CALCR: variants seen among roughly 807,000 people sequenced by gnomAD.
CALCR encodes calcitonin receptor.
A neutral mutation model predicts 59.5 loss-of-function variants in CALCR; 47 were observed. The ratio of observed to expected loss-of-function variants is 0.79; its 90% CI spans 0.63 to 1.01. CALCR has a LOEUF of 1.01. Ranked by LOEUF, CALCR falls within the 50% of genes least tolerant of loss-of-function variation. The pLI is 0.00. For synonymous variants in CALCR, 213 were observed against 211.3 expected, an observed-to-expected ratio of 1.01 and a Z score of -0.07; for missense variants, 566 against 597.1, an observed-to-expected ratio of 0.95 and a Z score of 0.54.
rs1027435567 is a variant in CALCR at position 93,426,084 on chromosome 7, A to G, written c.*272T>C. On this transcript the variant is annotated 3_prime_UTR_variant, in exon 14 of 14. Coordinates refer to ENST00000426151, the MANE Select transcript of CALCR (RefSeq NM_001742.4). ...AGGTCAATTTCATTGTTTTTCTTTGATACTTTGCTTGCATTACTGTGACAT... is the reference window on the plus strand; with the variant it reads ...AGGTCAATTTCATTGTTTTTCTTTGGTACTTTGCTTGCATTACTGTGACAT... The G allele has an allele frequency of 1.5e-5, 5 of 340,290 alleles. No individual in the cohort carries two copies. Among genetic ancestry groups the G allele is most frequent in the African/African-American group, 1.0e-4 (5 of 47,738 alleles). The allele number at this position is 340,290 out of a possible 1,614,324, so 21.1% of individuals were successfully genotyped here.
intron 2 of CALCR, among the ~76,000 whole-genome samples, chr7:93,509,629 G>A (rs1801501439): frequency 6.6e-6 from 1 of 152,118 alleles, no homozygotes; most frequent in Non-Finnish European, 1.5e-5. Context: ...CACATATGTG[G>A]AGATTAACTT....
chr7:93,535,110 T>C (rs1449833580), intron 2 of CALCR, among the ~76,000 whole-genome samples: 1 of 151,744 alleles, frequency 6.6e-6, no homozygotes, highest in East Asian at 1.9e-4. Flanking sequence ...TTCATGGCTA[T>C]TAATAATCTT....
chr7:93,424,760 A>G lies in CALCR; in HGVS notation c.*1596T>C, dbSNP rs1336609819. ...CTGTTTTCCATGTTTGTAAACAAAAATAGAACAATACTACATAACACTGTG... is the reference window on the plus strand; with the variant it reads ...CTGTTTTCCATGTTTGTAAACAAAAGTAGAACAATACTACATAACACTGTG... On this transcript the variant is annotated 3_prime_UTR_variant, in exon 14 of 14. Transcript: ENST00000426151. The G allele has an allele frequency of 1.3e-5, 2 of 152,616 alleles. No individual in the cohort carries two copies. The highest frequency in any genetic ancestry group is 2.9e-5 in the Non-Finnish European group (2 of 68,014). The allele number at this position is 152,616 out of a possible 1,614,324, so 9.5% of individuals were successfully genotyped here.
At chr7:93,492,255 T>C (rs953597254) in intron 2 of CALCR, among the ~76,000 whole-genome samples, 2 of 150,462 alleles carry the variant, frequency 1.3e-5, no homozygotes, top group Non-Finnish European at 3.0e-5. Flanking sequence ...GTGGGAGGGG[T>C]GCGAAGGGAG....
At chr7:93,439,689 T>A (rs1799858647) in intron 9 of CALCR, among the ~76,000 whole-genome samples, 1 of 152,120 alleles carries the variant, frequency 6.6e-6, no homozygotes, top group African/African-American at 2.4e-5. Flanking sequence ...AGATTCAGAA[T>A]AATCCTGTCT....
intron 2 of CALCR, among the ~76,000 whole-genome samples, chr7:93,542,196 T>C (rs1789161805): frequency 6.6e-6 from 1 of 152,186 alleles, no homozygotes; most frequent in Non-Finnish European, 1.5e-5. Context: ...ACAGTGTACT[T>C]ACACAAACCT....
chr7:93,485,312 A>T (rs892638045), intron 3 of CALCR, among the ~76,000 whole-genome samples: 1 of 151,698 alleles, frequency 6.6e-6, no homozygotes, highest in African/African-American at 2.4e-5. Flanking sequence ...TCCATGGCTC[A>T]TGCAAAGATG....
rs1259149374 is a variant in CALCR, at chr7:93,436,784, A to G, written c.931-614T>C. On this transcript the variant is annotated intron_variant, in intron 11 of 13. Transcript: ENST00000426151. ...TACATTTAAACCTCCAGTTCACTAAAAACACATTTTTTGGTGTCTGGTTGT... is the reference window on the plus strand; with the variant it reads ...TACATTTAAACCTCCAGTTCACTAAGAACACATTTTTTGGTGTCTGGTTGT... Among the ~76,000 whole-genome samples, 3 of 152,166 alleles carry G rather than the reference A, an allele frequency of 2.0e-5. No individual in the cohort carries two copies. The East Asian group carries it at 5.8e-4, about 29-fold the overall frequency.
intron 2 of CALCR, among the ~76,000 whole-genome samples, chr7:93,524,780 C>T (rs538899925): frequency 1.3e-5 from 2 of 152,222 alleles, no homozygotes; most frequent in East Asian, 3.9e-4. Context: ...GCTAATGAGA[C>T]TCCACAACCT....
At chr7:93,475,620 C>A (rs890517829) in intron 5 of CALCR, among the ~76,000 whole-genome samples, 3 of 151,538 alleles carry the variant, frequency 2.0e-5, no homozygotes, top group Non-Finnish European at 4.4e-5. Flanking sequence ...ATATTGTATG[C>A]AGAGAGATAC....
chr7:93,520,629 A>G (rs1485018634), intron 2 of CALCR, among the ~76,000 whole-genome samples: 2 of 152,172 alleles, frequency 1.3e-5, no homozygotes, highest in African/African-American at 4.8e-5. Context: ...GCTATAAAAA[A>G]GAGAAAAACA....
intron 8 of CALCR, among the ~76,000 whole-genome samples, chr7:93,456,153 T>C (rs1800204732): frequency 6.6e-6 from 1 of 152,172 alleles, no homozygotes; most frequent in South Asian, 2.1e-4. Context: ...TCTACAGACA[T>C]GAATTAAGTT....
chr7:93,536,959 A>G (rs1348289810), intron 2 of CALCR, among the ~76,000 whole-genome samples: 7 of 151,840 alleles, frequency 4.6e-5, no homozygotes. Flanking sequence ...AAGTAGCACA[A>G]TGTTTCCAAC....
At chr7:93,489,102 T>TA (rs1178021974) in intron 2 of CALCR, among the ~76,000 whole-genome samples, 1 of 151,812 alleles carries the variant, frequency 6.6e-6, no homozygotes. Context: ...AACTCAGGAC[T>TA]AAAAAACACA....
chr7:93,568,448 T>A (rs10488555), intron 2 of CALCR, among the ~76,000 whole-genome samples: 1 of 151,624 alleles, frequency 6.6e-6, no homozygotes, highest in Non-Finnish European at 1.5e-5. Context: ...TCCCACTTGA[T>A]CTACTGGTAA....
At chr7:93,479,622 T>C (rs986094681) in intron 3 of CALCR, 115 bp from the exon 4 acceptor site, 3 of 910,072 alleles carry the variant, frequency 3.3e-6, no homozygotes, top group Middle Eastern at 2.5e-4. Flanking sequence ...GCAATACTTA[T>C]TCATGGTCTC....
At chr7:93,457,025 G>A (rs752613359) in intron 8 of CALCR, among the ~76,000 whole-genome samples, 18 of 152,150 alleles carry the variant, frequency 1.2e-4, no homozygotes, top group African/African-American at 2.2e-4. Flanking sequence ...TTTTGACTTA[G>A]TGGTGGCTGG....
At chr7:93,443,467 T>G (rs1799950650) in intron 9 of CALCR, 137 bp downstream of exon 9, 1 of 750,718 alleles carries the variant, frequency 1.3e-6, no homozygotes, top group Non-Finnish European at 2.2e-6. Flanking sequence ...ACTGAACTCC[T>G]GCCAGTACCT....
chr7:93,437,658 G>C (rs2188803), intron 11 of CALCR, among the ~76,000 whole-genome samples: 23,645 of 151,806 alleles, frequency 0.16, 2,150 homozygotes, highest in East Asian at 0.34. Flanking sequence ...TGAATATTTG[G>C]ATTTCTGGAC....
Sources: allele counts gnomAD v4.1 joint callset (sites outside exome capture counted in the v4.1 genomes callset), GRCh38; gene constraint gnomAD v4.1.1; transcripts MANE v1.5; gene names NCBI Gene and HGNC (gene_info 2026-07-23, HGNC 2026-07-21).